Variants in GRIN2A observed in about 807,000 individuals in gnomAD.
The protein encoded by GRIN2A is glutamate ionotropic receptor NMDA type subunit 2A.
GRIN2A carries 22 observed loss-of-function variants against 113.4 expected under a neutral mutation model. That is an observed-to-expected ratio of 0.19 (90% confidence interval 0.14 to 0.28). The LOEUF (loss-of-function observed/expected upper bound fraction) is 0.28. Among genes scored for constraint, GRIN2A ranks in the 10% least tolerant of loss-of-function variants. The probability of loss-of-function intolerance (pLI) is 1.00; values close to 1 mark genes in which losing one functional copy is unlikely to be tolerated. For missense variants in GRIN2A, 1,502 were observed against 1,887.0 expected, an observed-to-expected ratio of 0.80 and a Z score of 3.78; for synonymous variants, 827 against 738.4, an observed-to-expected ratio of 1.12 and a Z score of -1.94.
chr16:9,813,003 AACAGAACAAAGCAATGCTCTTCATCGT>A (rs1347678330), intron 10 of GRIN2A, among the ~76,000 whole-genome samples: 2 of 152,254 alleles, frequency 1.3e-5, no homozygotes, highest in Admixed American at 1.3e-4. Context: ...GCGTGCCTCA[AACAGAACAAAGCAATGCTCTTCATCGT>A]ACAGAAGTGT....
chr16:10,004,164 G>A (rs1442885697), intron 2 of GRIN2A, among the ~76,000 whole-genome samples: 2 of 152,018 alleles, frequency 1.3e-5, no homozygotes, highest in African/African-American at 2.4e-5. Context: ...GCTGAGGCGG[G>A]CACATCACGA....
At chr16:10,092,986 C>A (rs2048211126) in intron 2 of GRIN2A, among the ~76,000 whole-genome samples, 1 of 151,912 alleles carries the variant, frequency 6.6e-6, no homozygotes, top group Non-Finnish European at 1.5e-5. Context: ...TTACAGGCAC[C>A]CACCACCATG....
At chr16:10,071,459 T>G (rs2047749299) in intron 2 of GRIN2A, among the ~76,000 whole-genome samples, 1 of 152,226 alleles carries the variant, frequency 6.6e-6, no homozygotes, top group Non-Finnish European at 1.5e-5. Context: ...CATGTATCTC[T>G]TCTGGTTGTC....
At chr16:9,885,875 T>G (rs1470582116) in intron 4 of GRIN2A, among the ~76,000 whole-genome samples, 3 of 152,246 alleles carry the variant, frequency 2.0e-5, no homozygotes, top group Admixed American at 6.5e-5. Context: ...ATTTGTGCAT[T>G]CTAAGCTCAA....
chr16:10,146,696 G>T (rs1411021487), intron 2 of GRIN2A, among the ~76,000 whole-genome samples: 1 of 152,120 alleles, frequency 6.6e-6, no homozygotes. Context: ...AAAGACAGGT[G>T]TTGGGAGGTG....
chr16:9,930,942 T>C (rs2044577431), intron 3 of GRIN2A, among the ~76,000 whole-genome samples: 2 of 152,224 alleles, frequency 1.3e-5, no homozygotes, highest in African/African-American at 4.8e-5. Context: ...GGTAATAATT[T>C]ACAATGTTGT....
rs149034595 is a variant in GRIN2A at position 9,858,668 on chromosome 16, G to C, written c.1123-8707C>G. Among the ~76,000 whole-genome samples, 446 of 152,238 alleles carry C rather than the reference G, an allele frequency of 2.9e-3. 2 individuals carry two copies. The highest frequency in any genetic ancestry group is 0.01 in the African/African-American group (430 of 41,554). On this transcript the variant is annotated intron_variant, in intron 4 of 12. Transcript: ENST00000330684. ...TAAAATTTAAATACAGTGCTTTTAG[G>C]AAACTAATTGCTCTTCAGCTCCTAG...
chr16:9,956,562 C>T (rs895768265), intron 2 of GRIN2A, among the ~76,000 whole-genome samples: 3 of 152,094 alleles, frequency 2.0e-5, no homozygotes, highest in Admixed American at 6.5e-5. Flanking sequence ...ATCTCTGGAC[C>T]AGGTACAGTG....
At chr16:9,996,409 G>T (rs142061662) in intron 2 of GRIN2A, among the ~76,000 whole-genome samples, 1 of 152,156 alleles carries the variant, frequency 6.6e-6, no homozygotes, top group Non-Finnish European at 1.5e-5. Context: ...ACTCAGGCAC[G>T]CATGAAAATT....
At chr16:9,964,078 C>T (rs890807082) in intron 2 of GRIN2A, among the ~76,000 whole-genome samples, 1 of 152,150 alleles carries the variant, frequency 6.6e-6, no homozygotes, top group African/African-American at 2.4e-5. Context: ...AGAGGGCTCC[C>T]AAGAAAACAC....
intron 2 of GRIN2A, among the ~76,000 whole-genome samples, chr16:10,015,593 T>C (rs1255905373): frequency 6.6e-6 from 1 of 152,244 alleles, no homozygotes; most frequent in African/African-American, 2.4e-5. Context: ...TTTTGCAAGA[T>C]AGGCAGTTTG....
intron 11 of GRIN2A, among the ~76,000 whole-genome samples, chr16:9,777,963 G>T (rs543614391): frequency 6.6e-6 from 1 of 152,322 alleles, no homozygotes; most frequent in African/African-American, 2.4e-5. Context: ...TACTCAGGAG[G>T]CTGAGGCAGT....
chr16:9,893,995 G>C (rs1172538944), intron 3 of GRIN2A, among the ~76,000 whole-genome samples: 3 of 152,114 alleles, frequency 2.0e-5, no homozygotes, highest in Admixed American at 2.0e-4. Flanking sequence ...CTTATTCACT[G>C]ATGGAGAGTA....
At chr16:9,927,145 T>G (rs1279680088) in intron 3 of GRIN2A, among the ~76,000 whole-genome samples, 1 of 152,230 alleles carries the variant, frequency 6.6e-6, no homozygotes, top group East Asian at 1.9e-4. Flanking sequence ...AGCATTCATT[T>G]ACCTCTTTCT....
intron 2 of GRIN2A, among the ~76,000 whole-genome samples, chr16:9,969,694 A>AT (rs2045632797): frequency 6.6e-6 from 1 of 152,194 alleles, no homozygotes; most frequent in Non-Finnish European, 1.5e-5. Flanking sequence ...ACCAGGGGAT[A>AT]TTTCGCTATG....
chr16:9,958,100 C>A (rs2045347491), intron 2 of GRIN2A, among the ~76,000 whole-genome samples: 1 of 152,192 alleles, frequency 6.6e-6, no homozygotes, highest in Non-Finnish European at 1.5e-5. Context: ...CTTCTCTGTG[C>A]CTGCCTTCTT....
chr16:10,083,777 C>A (rs1258238004), intron 2 of GRIN2A, among the ~76,000 whole-genome samples: 1 of 152,194 alleles, frequency 6.6e-6, no homozygotes, highest in African/African-American at 2.4e-5. Context: ...GGCCTGTGCT[C>A]AGTTTCCTCA....
At chr16:10,010,528 G>A (rs1213398026) in intron 2 of GRIN2A, among the ~76,000 whole-genome samples, 1 of 152,178 alleles carries the variant, frequency 6.6e-6, no homozygotes, top group Non-Finnish European at 1.5e-5. Context: ...GTACCTACCT[G>A]TAAAAATGTT....
At chr16:9,890,929 C>CT (rs2043681749) in intron 4 of GRIN2A, 57 bp downstream of exon 4, 1 of 1,085,974 alleles carries the variant, frequency 9.2e-7, no homozygotes, top group African/African-American at 1.5e-5. Context: ...CTGTGAGCCC[C>CT]TTTATTGCCC....
Sources: allele counts gnomAD v4.1 joint callset (sites outside exome capture counted in the v4.1 genomes callset), GRCh38; gene constraint gnomAD v4.1.1; transcripts MANE v1.5; gene names NCBI Gene and HGNC (gene_info 2026-07-23, HGNC 2026-07-21).